Variants in STK25 observed in about 807,000 individuals in gnomAD.
STK25 encodes the protein serine/threonine-protein kinase 25.
A neutral mutation model predicts 53.8 loss-of-function variants in STK25; 29 were observed. The observed-to-expected ratio is 0.54, with a 90% CI of 0.40 to 0.74. The LOEUF is 0.74. STK25 is among the 30% of genes least tolerant of loss of function. STK25 has a pLI of 0.00. For missense variants in STK25, 420 were observed against 568.0 expected, an observed-to-expected ratio of 0.74 and a Z score of 2.65; for synonymous variants, 247 against 238.3, an observed-to-expected ratio of 1.04 and a Z score of -0.33.
At chr2:241,505,814 T>C (rs185861016) in intron 2 of STK25, among the ~76,000 whole-genome samples, 26 of 149,688 alleles carry the variant, frequency 1.7e-4, no homozygotes, top group African/African-American at 3.7e-4. Flanking sequence ...CACCCCCACC[T>C]GGAGAAGAAA....
At chr2:241,506,215 A>T (rs1443013033) in intron 2 of STK25, among the ~76,000 whole-genome samples, 1 of 152,248 alleles carries the variant, frequency 6.6e-6, no homozygotes, top group Admixed American at 6.5e-5. Context: ...CACCATGGCA[A>T]CCATCTCAGG....
chr2:241,493,597 GTTTTT>G lies in STK25; in HGVS notation c.*2060_*2064del. The G allele has an allele frequency of 1.8e-6, 1 of 559,588 alleles. No individual in the cohort carries two copies. The highest frequency in any genetic ancestry group is 4.8e-4 in the Middle Eastern group (1 of 2,068). 34.7% of individuals were successfully genotyped at this position (559,588 alleles called of 1,614,324 possible). On this transcript the variant is annotated 3_prime_UTR_variant, in exon 12 of 12. Coordinates refer to ENST00000316586, the MANE Select transcript of STK25 (RefSeq NM_001271977.2). ...CATTTCCAAAAAACAGCAATGCTTT[GTTTTT>G]TTTTTTTTTGGAGATGGCGTCTCCC...
intron 5 of STK25, chr2:241,499,841 T>C: frequency 6.5e-6 from 3 of 463,304 alleles, no homozygotes; most frequent in South Asian, 4.1e-5. Flanking sequence ...GCCTCCCGTC[T>C]GCTCTCAGCA....
chr2:241,499,218 C>G (rs1282695904), intron 6 of STK25, 39 bp downstream of exon 6: 1 of 1,613,804 alleles, frequency 6.2e-7, no homozygotes, highest in Admixed American at 1.7e-5. Flanking sequence ...GCACCCGAGC[C>G]AGGCATGGTG....
chr2:241,493,270 C>G lies in STK25; in HGVS notation c.*2392G>C. The G allele has an allele frequency of 6.2e-7, 1 of 1,610,560 alleles. No homozygotes were observed. The highest frequency in any genetic ancestry group is 1.1e-5 in the South Asian group (1 of 90,932). On this transcript the variant is annotated 3_prime_UTR_variant, in exon 12 of 12. Transcript: ENST00000316586. The stretch of plus-strand genomic sequence containing the variant: ...CTGTGGCAACCCAGCCCCTGGAACC[C>G]GTGTCCCTATGCTGTCTTGCAGGAT...
chr2:241,508,469 C>G lies in STK25; in HGVS notation c.-127G>C. On this transcript the variant is annotated 5_prime_UTR_variant, in exon 1 of 12. Transcript: ENST00000316586. ...TCCGCGGGGCTCCATCCCGGCCTCC[C>G]CCGGCCCGCTCTGCAGCGCCCGCGA... The G allele has an allele frequency of 9.4e-7, 1 of 1,066,916 alleles. No individual in the cohort carries two copies. Among genetic ancestry groups the G allele is most frequent in the Non-Finnish European group, 1.1e-6 (1 of 878,834 alleles). 66.1% of individuals were successfully genotyped at this position (1,066,916 alleles called of 1,614,324 possible). A position where few individuals can be genotyped will look rare whatever the true frequency, so the allele number is the denominator to read the frequency against.
chr2:241,492,685 T>C lies in STK25; in HGVS notation c.*2977A>G, dbSNP rs2124922609. The C allele has an allele frequency of 4.4e-6, 2 of 458,004 alleles. No individual in the cohort carries two copies. The highest frequency in any genetic ancestry group is 7.1e-5 in the East Asian group (2 of 27,986). 28.4% of individuals were successfully genotyped at this position (458,004 alleles called of 1,614,324 possible). A position where few individuals can be genotyped will look rare whatever the true frequency, so the allele number is the denominator to read the frequency against. On this transcript the variant is annotated 3_prime_UTR_variant, in exon 12 of 12. Transcript: ENST00000316586. ...TTGTGGATGGTTGGTTACTGAACACTGACTTTATTGTGCACAGGGAAAGGG... is the reference window on the plus strand; with the variant it reads ...TTGTGGATGGTTGGTTACTGAACACCGACTTTATTGTGCACAGGGAAAGGG...
intron 9 of STK25, 73 bp downstream of exon 9, chr2:241,498,162 G>T: frequency 1.4e-6 from 2 of 1,403,648 alleles, no homozygotes; most frequent in South Asian, 1.2e-5. Flanking sequence ...GGTGGACAAA[G>T]CTGGGTCCCG....
chr2:241,504,655 A>T (rs1174834835), intron 2 of STK25, among the ~76,000 whole-genome samples: 1 of 152,116 alleles, frequency 6.6e-6, no homozygotes, highest in East Asian at 1.9e-4. Flanking sequence ...TTTTTTTGAG[A>T]TGGGGGGTCT....
rs2065134071 is a variant in STK25 at position 241,496,041 on chromosome 2, G to A, written c.1242-340C>T. 6.6e-6 allele frequency among the ~76,000 whole-genome samples: 1 copy of A among 152,196 alleles called. No homozygotes were observed. ...TTTGCTAAGGACTCGAGTCAGCACA[G>A]GGGCAGCTCTGACGTTTTGCCACCA... On this transcript the variant is annotated intron_variant, in intron 11 of 11. Coordinates refer to ENST00000316586, the MANE Select transcript of STK25 (RefSeq NM_001271977.2). The surrounding 1 kb of genome is among the most constrained non-coding windows in gnomAD (Gnocchi z 5.8).
In STK25 at chr2:241,501,019, C is replaced by A; in HGVS notation, c.262-223G>T. Reference sequence around the variant, plus strand: ...ACAGGTTGAGTACACACAGCAGTGGCTGACTCCACTTCACCAAGACCCCAT... The same window carrying A: ...ACAGGTTGAGTACACACAGCAGTGGATGACTCCACTTCACCAAGACCCCAT... On this transcript the variant is annotated intron_variant, in intron 3 of 11. Coordinates refer to ENST00000316586, the MANE Select transcript of STK25 (RefSeq NM_001271977.2). The surrounding 1 kb of genome is among the most constrained non-coding windows in gnomAD (Gnocchi z 5.3). The A allele has an allele frequency of 1.7e-6, 1 of 592,474 alleles. No individual in the cohort carries two copies. The highest frequency in any genetic ancestry group is 3.0e-6 in the Non-Finnish European group (1 of 331,854). The allele number at this position is 592,474 out of a possible 1,614,324, so 36.7% of individuals were successfully genotyped here. A position where few individuals can be genotyped will look rare whatever the true frequency, so the allele number is the denominator to read the frequency against.
Position 241,493,144 on chromosome 2 carries a change from C to T in STK25, c.*2518G>A. On this transcript the variant is annotated 3_prime_UTR_variant, in exon 12 of 12. Coordinates refer to ENST00000316586, the MANE Select transcript of STK25 (RefSeq NM_001271977.2). ...TTTGGTTCTGCCCTCCCATGCTTTG[C>T]CCACACACCCTGTGCTGTGTGAACA... 3 of 1,142,222 alleles carry T rather than the reference C, an allele frequency of 2.6e-6. No individual in the cohort carries two copies. Among genetic ancestry groups the T allele is most frequent in the Non-Finnish European group, 3.9e-6 (3 of 764,912 alleles). 70.8% of individuals were successfully genotyped at this position (1,142,222 alleles called of 1,614,324 possible).
chr2:241,495,727 C>T (rs368091891), intron 11 of STK25, 26 bp from the exon 12 acceptor site: 16 of 1,613,220 alleles, frequency 9.9e-6, no homozygotes, highest in African/African-American at 2.7e-5. Context: ...CCCACTGCTG[C>T]GTGCGTGCAC....
Position 241,493,558 on chromosome 2 carries a change from A to AGCAAT in STK25, c.*2099_*2103dup. The AGCAAT allele has an allele frequency of 1.1e-6, 1 of 918,776 alleles. No homozygotes were observed. The highest frequency in any genetic ancestry group is 1.7e-6 in the Non-Finnish European group (1 of 589,892). 56.9% of individuals were successfully genotyped at this position (918,776 alleles called of 1,614,324 possible). On this transcript the variant is annotated 3_prime_UTR_variant, in exon 12 of 12. Coordinates refer to ENST00000316586, the MANE Select transcript of STK25 (RefSeq NM_001271977.2). The stretch of plus-strand genomic sequence containing the variant: ...TCTGGGCCCTGGAAAGGAAGGGCTG[A>AGCAAT]GCAATGCTTCCAGCATTTCCAAAAA...
Position 241,498,320 on chromosome 2 carries a change from C to G in STK25, c.947G>C (p.Gly316Ala). Residue 316 changes from glycine to alanine, a missense_variant, in exon 9 of 12, where the codon GGC (glycine) becomes GCC (alanine). Transcript: ENST00000316586. ...GGTAGGGGGGAACGTCCAGATGGGG[C>G]CCTGCTCCCCGTCCTCCGCCTCGCC... ...IDGEAEDGEQGPIWTFPPTIR... is the reference protein window; with the variant it reads ...IDGEAEDGEQAPIWTFPPTIR... 6.2e-7 allele frequency: 1 copy of G among 1,603,428 alleles called. No homozygotes were observed. Among genetic ancestry groups the G allele is most frequent in the Non-Finnish European group, 8.5e-7 (1 of 1,172,724 alleles).
rs1559830668 is a variant in STK25, at chr2:241,498,366, GT to G, written c.918-18del. ...TCGCCATCACTGAAGAGGATGAGGAGTTGCCAGGGCCAGTGGGGAGAGGGCC... is the reference window on the plus strand; with the variant it reads ...TCGCCATCACTGAAGAGGATGAGGAGTGCCAGGGCCAGTGGGGAGAGGGCC... On this transcript the variant is annotated intron_variant, in intron 8 of 11. Transcript: ENST00000316586. 6.4e-7 allele frequency: 1 copy of G among 1,562,338 alleles called. No homozygotes were observed. The highest frequency in any genetic ancestry group is 1.2e-5 in the South Asian group (1 of 84,360).
intron 2 of STK25, among the ~76,000 whole-genome samples, chr2:241,505,263 CGGGGCCCT>C (rs1477179444): frequency 2.6e-5 from 4 of 152,088 alleles, no homozygotes; most frequent in African/African-American, 9.7e-5. Context: ...AACGCTTACT[CGGGGCCCT>C]GGGACGCTGC....
At chr2:241,498,451 C>T (rs1574942068) in intron 8 of STK25, 102 bp from the exon 9 acceptor site, 15 of 1,294,368 alleles carry the variant, frequency 1.2e-5, no homozygotes, top group South Asian at 1.1e-4. Context: ...AGGTACCAGA[C>T]GGGGCTCTGC....
chr2:241,498,566 C>T (rs2065317159), intron 8 of STK25, 73 bp downstream of exon 8: 1 of 1,533,854 alleles, frequency 6.5e-7, no homozygotes, highest in Non-Finnish European at 8.8e-7. Flanking sequence ...AGGGCCCACG[C>T]CCCTGCTTCT....
Sources: gnomAD v4.1 joint callset for allele counts (sites outside exome capture counted in the v4.1 genomes callset) on GRCh38, gnomAD v4.1.1 for gene constraint, Gnocchi (gnomAD v3.1) non-coding constraint, MANE v1.5 for transcripts, NCBI Gene and HGNC (gene_info 2026-07-23, HGNC 2026-07-21) for gene names.